The following MRPL46 variants were observed in gnomAD, a reference collection of about 807,000 sequenced individuals.
MRPL46 encodes large ribosomal subunit protein mL46.
MRPL46 carries 26 observed loss-of-function variants against 31.0 expected under a neutral mutation model. The ratio of observed to expected loss-of-function variants is 0.84; its 90% CI spans 0.61 to 1.16. The LOEUF (loss-of-function observed/expected upper bound fraction) is 1.16. MRPL46 is among the 50% of genes most tolerant of loss of function. MRPL46 has a pLI of 0.00. For synonymous variants in MRPL46, 159 were observed against 141.3 expected (o/e 1.13, Z -0.89); for missense variants, 395 against 340.0 (o/e 1.16, Z -1.27).
intron 3 of MRPL46, chr15:88,461,608 G>A (rs898500609): frequency 6.6e-6 from 1 of 152,112 alleles, no homozygotes; most frequent in African/African-American, 2.4e-5. Flanking sequence ...GAAGGATAAG[G>A]AAAAAACCTG....
In MRPL46 at chr15:88,464,691, C is replaced by T; in HGVS notation, c.589+12G>A. On this transcript the variant is annotated intron_variant, in intron 3 of 3. Coordinates refer to ENST00000312475, the MANE Select transcript of MRPL46 (RefSeq NM_022163.4). ...GAATTTTGTGGAATTTAGAGGAAGG[C>T]AGAAAACCCACCTGAGAGTGTGGCC... The T allele has an allele frequency of 6.2e-7, 1 of 1,608,370 alleles. No homozygotes were observed. The highest frequency in any genetic ancestry group is 2.3e-5 in the East Asian group (1 of 44,428).
Position 88,467,264 on chromosome 15 carries a change from G to A in MRPL46, c.114C>T (p.Pro38=), listed in dbSNP as rs368751322. 73 of 1,613,890 alleles carry A rather than the reference G, an allele frequency of 4.5e-5. No homozygotes were observed. Among genetic ancestry groups the A allele is most frequent in the Non-Finnish European group, 2.8e-5 (33 of 1,179,982 alleles). ...AGCGCCATGGGGATCCGTTGCTTGA[G>A]GGTGCGGCTGCAAGAGCCAGGCTGC... is the stretch of plus-strand genomic sequence containing the variant. ...SSRSLALAAA[P]SSNGSPWRLL... Residue 38 remains proline, a synonymous_variant, in exon 1 of 4, where the codon CCC becomes CCT. Transcript: ENST00000312475.
At position 88,466,502 on chromosome 15, in the gene MRPL46, G is replaced by C. The variant is rs944162229; in HGVS notation, c.228+648C>G. Among the ~76,000 whole-genome samples the C allele has an allele frequency of 2.0e-5, 3 of 152,196 alleles. No homozygotes were observed. In the East Asian group the frequency reaches 5.8e-4, roughly 29 times the overall value. ...ATCTCTATCACTTAACATACTCTCT[G>C]ATGCATAGTATGGGCACAATGAACA... On this transcript the variant is annotated intron_variant, in intron 1 of 3. Coordinates refer to ENST00000312475, the MANE Select transcript of MRPL46 (RefSeq NM_022163.4).
chr15:88,467,326 GC>G lies in MRPL46; in HGVS notation c.51del (p.Arg18GlyfsTer10). 12 of 1,606,358 alleles carry G rather than the reference GC, an allele frequency of 7.5e-6. No homozygotes were observed. The highest frequency in any genetic ancestry group is 1.0e-5 in the Non-Finnish European group (12 of 1,176,538). On this transcript the variant is annotated frameshift_variant, in exon 1 of 4. Transcript: ENST00000312475. LOFTEE classifies it high-confidence loss of function. ...RTLLGVAGGW[R>X]RFERLWAGSL... ...CTGCCGGCCCAGAGCCTCTCGAACC[GC>G]CGCCAACCCCCCGCCACCCCTAACA...
At chr15:88,465,388 C>T in intron 2 of MRPL46, 199 bp downstream of exon 2, 1 of 499,436 alleles carries the variant, frequency 2.0e-6, no homozygotes, top group African/African-American at 2.0e-5. Flanking sequence ...AGAGAAAAGG[C>T]TATTCCAATA....
intron 1 of MRPL46, 65 bp downstream of exon 1, chr15:88,467,085 G>T: frequency 6.4e-7 from 1 of 1,553,722 alleles, no homozygotes; most frequent in Non-Finnish European, 8.8e-7. Flanking sequence ...GTTCAGAGAG[G>T]TGAAATTACT....
At position 88,463,686 on chromosome 15, in the gene MRPL46, G is replaced by A. The variant is rs578050819; in HGVS notation, c.589+1017C>T. On this transcript the variant is annotated intron_variant, in intron 3 of 3. Transcript: ENST00000312475. The surrounding 1 kb of genome is among the most constrained non-coding windows in gnomAD (Gnocchi z 5.4). Reference sequence around the variant, plus strand: ...AACTGAGCAGTCAGGCCAGGAAGGAGTAAAGTATTTCATCAGGGACCAGCA... The same window carrying A: ...AACTGAGCAGTCAGGCCAGGAAGGAATAAAGTATTTCATCAGGGACCAGCA... The A allele has an allele frequency of 7.2e-5, 11 of 152,320 alleles. No homozygotes were observed. The highest frequency in any genetic ancestry group is 2.4e-4 in the African/African-American group (10 of 41,566). 9.4% of individuals were successfully genotyped at this position (152,320 alleles called of 1,614,324 possible). A position where few individuals can be genotyped will look rare whatever the true frequency, so the allele number is the denominator to read the frequency against.
chr15:88,467,297 T>C lies in MRPL46; in HGVS notation c.81A>G (p.Leu27=). 1 of 1,612,664 alleles carries C rather than the reference T, an allele frequency of 6.2e-7. No individual in the cohort carries two copies. Among genetic ancestry groups the C allele is most frequent in the East Asian group, 2.2e-5 (1 of 44,804 alleles). ...CTGCAAGAGCCAGGCTGCGAGAGCT[T>C]AGACTGCCGGCCCAGAGCCTCTCGA... ...RRFERLWAGS[L]SSRSLALAAA... Residue 27 remains leucine (L), a synonymous_variant, in exon 1 of 4, where the codon CTA becomes CTG. Coordinates refer to ENST00000312475, the MANE Select transcript of MRPL46 (RefSeq NM_022163.4).
intron 3 of MRPL46, 155 bp downstream of exon 3, chr15:88,464,548 T>TA (rs1379570648): frequency 2.7e-6 from 2 of 748,402 alleles, no homozygotes; most frequent in African/African-American, 3.8e-5. Flanking sequence ...AAAAAATCCT[T>TA]ACCTGGGTTT....
intron 1 of MRPL46, among the ~76,000 whole-genome samples, chr15:88,466,336 T>C (rs530296788): frequency 7.2e-5 from 11 of 152,374 alleles, no homozygotes; most frequent in Admixed American, 6.5e-4. Flanking sequence ...AACACTCTTA[T>C]AGTGCCTTGT....
intron 3 of MRPL46, chr15:88,462,237 T>G (rs539781937): frequency 1.3e-5 from 2 of 152,192 alleles, no homozygotes; most frequent in South Asian, 4.1e-4. Context: ...ACGTTAGCAG[T>G]GGGTATCTGT....
chr15:88,459,520 T>G lies in MRPL46; in HGVS notation c.*93A>C. On this transcript the variant is annotated 3_prime_UTR_variant, in exon 4 of 4. Coordinates refer to ENST00000312475, the MANE Select transcript of MRPL46 (RefSeq NM_022163.4). The stretch of plus-strand genomic sequence containing the variant: ...ATTTCTCAGAATTTAGTTTGCTGCT[T>G]GATATTACCTGCAAATGTGAGGCAA... 2 of 1,546,954 alleles carry G rather than the reference T, an allele frequency of 1.3e-6. No homozygotes were observed. Among genetic ancestry groups the G allele is most frequent in the Non-Finnish European group, 8.8e-7 (1 of 1,138,490 alleles).
At chr15:88,467,053 C>T in intron 1 of MRPL46, 97 bp downstream of exon 1, 2 of 1,344,100 alleles carry the variant, frequency 1.5e-6, no homozygotes, top group East Asian at 2.4e-5. Flanking sequence ...TACCATTCTG[C>T]GGATAAGTAC....
Position 88,459,681 on chromosome 15 carries a change from C to T in MRPL46, c.772G>A (p.Asp258Asn), listed in dbSNP as rs769512587. The change falls in exon 4 of 4, where the codon GAT becomes AAT. Residue 258 changes from aspartate to asparagine, a missense_variant. Asp to Asn is a conservative substitution (Grantham distance 23, BLOSUM62 1). Transcript: ENST00000312475. ...GGTTTCAAATAGTCACCCAGCTCAT[C>T]CTTAGTGACCCACACATGATGGCCC... ...NKGHHVWVTK[D>N]ELGDYLKPKY... 5 of 1,614,184 alleles carry T rather than the reference C, an allele frequency of 3.1e-6. No homozygotes were observed. Among genetic ancestry groups the T allele is most frequent in the Non-Finnish European group, 4.2e-6 (5 of 1,180,036 alleles).
intron 3 of MRPL46, chr15:88,461,252 G>T (rs533797220): frequency 6.6e-6 from 1 of 152,072 alleles, no homozygotes; most frequent in Non-Finnish European, 1.5e-5. Context: ...TTTTCAACAC[G>T]TTCAACAAAG....
At chr15:88,465,515 G>T in intron 2 of MRPL46, 72 bp downstream of exon 2, 3 of 1,429,420 alleles carry the variant, frequency 2.1e-6, no homozygotes, top group South Asian at 3.0e-5. Flanking sequence ...CAGGGGCCAA[G>T]CAACTGTCTT....
rs111338645 is a variant in MRPL46 at position 88,467,306 on chromosome 15, G to A, written c.72C>T (p.Ala24=). ...CCAGGCTGCGAGAGCTTAGACTGCC[G>A]GCCCAGAGCCTCTCGAACCGCCGCC... ...GGWRRFERLW[A]GSLSSRSLAL... is the part of the protein sequence containing the mutation. Residue 24 remains alanine (A), a synonymous_variant, in exon 1 of 4, where the codon GCC becomes GCT. Transcript: ENST00000312475. The A allele has an allele frequency of 1.8e-4, 297 of 1,611,530 alleles. 4 individuals are homozygous for A. In the African/African-American group the frequency reaches 2.9e-3, roughly 16 times the overall value.
chr15:88,461,841 A>G (rs1316141385), intron 3 of MRPL46: 1 of 152,258 alleles, frequency 6.6e-6, no homozygotes, highest in African/African-American at 2.4e-5. Context: ...ACTGCAGTAC[A>G]TACATATTAT....
At chr15:88,465,229 T>C in intron 2 of MRPL46, 1 of 416,304 alleles carries the variant, frequency 2.4e-6, no homozygotes, top group Non-Finnish European at 4.2e-6. Flanking sequence ...TCAGTCTTCA[T>C]CTGTGAAACA....
Sources: allele counts gnomAD v4.1 joint callset (sites outside exome capture counted in the v4.1 genomes callset), GRCh38; gene constraint gnomAD v4.1.1; non-coding constraint Gnocchi (gnomAD v3.1); transcripts MANE v1.5; gene names NCBI Gene and HGNC (gene_info 2026-07-23, HGNC 2026-07-21).